Variants in FBLIM1 observed in about 807,000 individuals in gnomAD.
FBLIM1 encodes filamin binding LIM protein 1.
Under a neutral mutation model 37.4 loss-of-function variants are expected in FBLIM1, and 29 were observed. The ratio of observed to expected loss-of-function variants is 0.77; its 90% CI spans 0.58 to 1.06. The LOEUF is 1.06. Ranked by LOEUF, FBLIM1 falls within the 50% of genes least tolerant of loss-of-function variation. FBLIM1 has a pLI of 0.00. For synonymous variants in FBLIM1, 193 were observed against 199.0 expected (o/e 0.97, Z 0.25); for missense variants, 449 against 505.6 (o/e 0.89, Z 1.07).
chr1:15,760,864 C>T (rs1228633309), intron 1 of FBLIM1, among the ~76,000 whole-genome samples: 1 of 152,066 alleles, frequency 6.6e-6, no homozygotes, highest in Admixed American at 6.6e-5. Context: ...GGGAGATGGC[C>T]CCAGGGAACT....
At position 15,784,542 on chromosome 1, in the gene FBLIM1, C is replaced by G. The variant is rs746573877; in HGVS notation, c.1009-6C>G. 1.4e-5 allele frequency: 22 copies of G among 1,612,840 alleles called. No homozygotes were observed. In the South Asian group the frequency reaches 2.4e-4, roughly 18 times the overall value. ...GGCGGGTCAGCATGTGTCTTTGTCTCCCCAGGACTGCAGGATCCTCCTGTC... is the reference window on the plus strand; with the variant it reads ...GGCGGGTCAGCATGTGTCTTTGTCTGCCCAGGACTGCAGGATCCTCCTGTC... On this transcript the variant is annotated splice_polypyrimidine_tract_variant and splice_region_variant and intron_variant, in intron 8 of 8. Coordinates refer to ENST00000375766, the MANE Select transcript of FBLIM1 (RefSeq NM_017556.4).
chr1:15,773,536 C>A (rs578032915), intron 6 of FBLIM1, among the ~76,000 whole-genome samples: 2 of 149,844 alleles, frequency 1.3e-5, no homozygotes, highest in Non-Finnish European at 3.0e-5. Flanking sequence ...AAAAATTAGC[C>A]GGATGTGGTG....
chr1:15,773,283 T>C (rs1399698772), intron 6 of FBLIM1, among the ~76,000 whole-genome samples: 1 of 151,488 alleles, frequency 6.6e-6, no homozygotes, highest in Non-Finnish European at 1.5e-5. Context: ...CTTGGGAGGC[T>C]GAGGCAGGAG....
chr1:15,768,126 G>A (rs563069497), intron 4 of FBLIM1, among the ~76,000 whole-genome samples: 12 of 152,250 alleles, frequency 7.9e-5, no homozygotes, highest in Admixed American at 3.3e-4. Flanking sequence ...CACGTGATCC[G>A]CATGGCTCGG....
chr1:15,784,707 C>T lies in FBLIM1; in HGVS notation c.*46C>T. ...ACAGACCACTAGCCCCGGCTGGGGC[C>T]CTTCCCTGACTTGGTTTCCCTTCCT... On this transcript the variant is annotated 3_prime_UTR_variant, in exon 9 of 9. Coordinates refer to ENST00000375766, the MANE Select transcript of FBLIM1 (RefSeq NM_017556.4). The T allele has an allele frequency of 6.4e-7, 1 of 1,551,846 alleles. No homozygotes were observed. Among genetic ancestry groups the T allele is most frequent in the Non-Finnish European group, 8.9e-7 (1 of 1,127,742 alleles).
At chr1:15,776,533 A>AAAAAAAACT (rs2069492970) in intron 7 of FBLIM1, among the ~76,000 whole-genome samples, 1 of 152,006 alleles carries the variant, frequency 6.6e-6, no homozygotes. Flanking sequence ...TGAGTTGCTC[A>AAAAAAAACT]CCACTCAAGC....
upstream of FBLIM1, chr1:15,758,402 G>C: frequency 6.6e-6 from 1 of 152,234 alleles, no homozygotes; most frequent in East Asian, 1.9e-4. This position sits in a 1 kb window ranked among gnomAD's most constrained non-coding sequence, Gnocchi z 6.2. Flanking sequence ...GGGGACGGCA[G>C]GGACCACTCG....
At chr1:15,766,459 G>A (rs149462247) in intron 3 of FBLIM1, among the ~76,000 whole-genome samples, 42 of 152,060 alleles carry the variant, frequency 2.8e-4, no homozygotes, top group African/African-American at 9.2e-4. Context: ...ATCACACCCA[G>A]CTGATTTTTG....
intron 8 of FBLIM1, among the ~76,000 whole-genome samples, chr1:15,777,816 G>A (rs994809267): frequency 1.1e-4 from 17 of 151,940 alleles, no homozygotes; most frequent in Admixed American, 4.6e-4. Flanking sequence ...CAGGTGATCC[G>A]CCCACTTCCA....
chr1:15,762,748 C>T (rs758882126), intron 1 of FBLIM1, among the ~76,000 whole-genome samples: 3 of 152,324 alleles, frequency 2.0e-5, no homozygotes, highest in Middle Eastern at 3.4e-3. Context: ...ATGCAGACAC[C>T]GGTCAGACGC....
At chr1:15,761,381 G>C (rs1217666379) in intron 1 of FBLIM1, among the ~76,000 whole-genome samples, 1 of 152,056 alleles carries the variant, frequency 6.6e-6, no homozygotes, top group East Asian at 1.9e-4. Flanking sequence ...AACCTCACAG[G>C]GTCCATCTGC....
At chr1:15,764,878 T>TG (rs1363334037) in intron 2 of FBLIM1, 86 bp from the exon 3 acceptor site, 1 of 1,463,864 alleles carries the variant, frequency 6.8e-7, no homozygotes, top group Non-Finnish European at 9.1e-7. Context: ...CCTGTCTTTT[T>TG]GGGAGGAGGG....
intron 1 of FBLIM1, among the ~76,000 whole-genome samples, chr1:15,760,543 A>AG (rs2068623042): frequency 6.7e-6 from 1 of 150,030 alleles, no homozygotes; most frequent in South Asian, 2.1e-4. Flanking sequence ...AAAAAAAAAA[A>AG]AAAAAAAAAG....
chr1:15,757,437 C>T (rs1173431750), upstream of FBLIM1, among the ~76,000 whole-genome samples: 2 of 152,166 alleles, frequency 1.3e-5, no homozygotes, highest in East Asian at 1.9e-4. The surrounding 1 kb of genome is among the most constrained non-coding windows in gnomAD (Gnocchi z 4.1). Flanking sequence ...TGGGTACCAG[C>T]ACCTAGAAAG....
Position 15,767,545 on chromosome 1 carries a change from GCCCCCGCCCCCA to G in FBLIM1, c.423_434del (p.Pro142_Pro145del). ...ACTTAGAGCAGCTGCACCTGTCCCCGCCCCCGCCCCCACCACAGGTACTGCCTGCCCCCCGAC... is the reference window on the plus strand; with the variant it reads ...ACTTAGAGCAGCTGCACCTGTCCCCGCCACAGGTACTGCCTGCCCCCCGAC... On this transcript the variant is annotated inframe_deletion, in exon 4 of 9. Coordinates refer to ENST00000375766, the MANE Select transcript of FBLIM1 (RefSeq NM_017556.4). 1 of 1,257,954 alleles carries G rather than the reference GCCCCCGCCCCCA, an allele frequency of 7.9e-7. No homozygotes were observed. The highest frequency in any genetic ancestry group is 1.0e-6 in the Non-Finnish European group (1 of 954,620). The allele number at this position is 1,257,954 out of a possible 1,614,324, so 77.9% of individuals were successfully genotyped here. A position where few individuals can be genotyped will look rare whatever the true frequency, so the allele number is the denominator to read the frequency against.
At position 15,786,119 on chromosome 1, in the gene FBLIM1, G is replaced by A. The variant is rs1213563475; in HGVS notation, c.*1458G>A. ...CTACTTGGGCCCTGCAGCCCAGCCTGTGTTGTAACCTCTGCGTCCTCAAGA... is the reference window on the plus strand; with the variant it reads ...CTACTTGGGCCCTGCAGCCCAGCCTATGTTGTAACCTCTGCGTCCTCAAGA... On this transcript the variant is annotated 3_prime_UTR_variant, in exon 9 of 9. Transcript: ENST00000375766. 6.6e-6 allele frequency: 1 copy of A among 152,308 alleles called. No homozygotes were observed. The highest frequency in any genetic ancestry group is 1.5e-5 in the Non-Finnish European group (1 of 68,090). The allele number at this position is 152,308 out of a possible 1,614,324, so 9.4% of individuals were successfully genotyped here.
At chr1:15,760,999 C>T (rs1302040845) in intron 1 of FBLIM1, among the ~76,000 whole-genome samples, 1 of 152,112 alleles carries the variant, frequency 6.6e-6, no homozygotes, top group African/African-American at 2.4e-5. Context: ...GGCCTGAGGT[C>T]CCTGCAGTCA....
At chr1:15,781,538 AATAAT>A (rs1316426286) in intron 8 of FBLIM1, among the ~76,000 whole-genome samples, 23 of 5,070 alleles carry the variant, frequency 4.5e-3, no homozygotes, top group African/African-American at 0.012. Context: ...AAAAAAAAAA[AATAAT>A]GAGGCTCTTG....
Position 15,767,504 on chromosome 1 carries a change from G to A in FBLIM1, c.379G>A (p.Ala127Thr). The A allele has an allele frequency of 6.5e-7, 1 of 1,544,608 alleles. No homozygotes were observed. The highest frequency in any genetic ancestry group is 1.2e-5 in the South Asian group (1 of 82,808). The change falls in exon 4 of 9, where the codon GCC (alanine) becomes ACC (threonine). Residue 127 changes from alanine (A) to threonine (T), a missense_variant. Coordinates refer to ENST00000375766, the MANE Select transcript of FBLIM1 (RefSeq NM_017556.4). ...AGAGGAGGCTCCTGCTCCAATGGGGGCCTCACTCATTGCAGACTTAGAGCA... is the reference window on the plus strand; with the variant it reads ...AGAGGAGGCTCCTGCTCCAATGGGGACCTCACTCATTGCAGACTTAGAGCA... ...SEEEAPAPMG[A>T]SLIADLEQLH... is the part of the protein sequence containing the mutation.
Sources: allele counts gnomAD v4.1 joint callset (sites outside exome capture counted in the v4.1 genomes callset), GRCh38; gene constraint gnomAD v4.1.1; non-coding constraint Gnocchi (gnomAD v3.1); transcripts MANE v1.5; gene names NCBI Gene and HGNC (gene_info 2026-07-23, HGNC 2026-07-21).